The following PIGK variants were observed in gnomAD, a reference collection of about 807,000 sequenced individuals.
PIGK encodes the protein phosphatidylinositol glycan anchor biosynthesis class K, also known as GPI-anchor transamidase.
In PIGK, 42 loss-of-function variants were observed where a neutral mutation model predicts 50.6. That is an observed-to-expected ratio of 0.83 (90% CI 0.65 to 1.07). The LOEUF is 1.07. Among genes scored for constraint, PIGK ranks in the 50% least tolerant of loss-of-function variants. The pLI is 0.00. For synonymous variants in PIGK, 151 were observed against 156.0 expected (o/e 0.97, Z 0.24); for missense variants, 448 against 488.7 (o/e 0.92, Z 0.78).
chr1:77,127,335 TTCTC>T (rs1290767655), intron 9 of PIGK, among the ~76,000 whole-genome samples: 1 of 152,198 alleles, frequency 6.6e-6, no homozygotes. Context: ...ACACAGAAGG[TTCTC>T]TCTAACTCAG....
Position 77,090,336 on chromosome 1 carries a change from A to G in PIGK, c.*2038T>C, listed in dbSNP as rs1458547469. 6.6e-6 allele frequency: 1 copy of G among 152,232 alleles called. No homozygotes were observed. Among genetic ancestry groups the G allele is most frequent in the African/African-American group, 2.4e-5 (1 of 41,466 alleles). 9.4% of individuals were successfully genotyped at this position (152,232 alleles called of 1,614,324 possible). ...TTATTATGAAGGCAGAGTATGCTCTATGTAAAAAGATTATGGTTATAAGTG... is the reference window on the plus strand; with the variant it reads ...TTATTATGAAGGCAGAGTATGCTCTGTGTAAAAAGATTATGGTTATAAGTG... On this transcript the variant is annotated 3_prime_UTR_variant, in exon 11 of 11. Transcript: ENST00000370812.
In PIGK at chr1:77,166,777, A is replaced by G. The variant is rs376757308; in HGVS notation, c.429T>C (p.Thr143=). ...CAGAAAGAAGACGTTTTGACCGAGG[A>G]GTACTAGGTGGGATCCTCCCAGTTA... The part of the protein sequence containing the change: ...RVLTGRIPPS[T]PRSKRLLSDD... Residue 143 remains threonine (T), a synonymous_variant, in exon 5 of 11, where the codon ACT becomes ACC. Coordinates refer to ENST00000370812, the MANE Select transcript of PIGK (RefSeq NM_005482.3). The G allele has an allele frequency of 2.5e-6, 4 of 1,603,068 alleles. No individual in the cohort carries two copies. Among genetic ancestry groups the G allele is most frequent in the Non-Finnish European group, 3.4e-6 (4 of 1,173,958 alleles).
chr1:77,146,365 T>C (rs1654768231), intron 9 of PIGK, among the ~76,000 whole-genome samples: 1 of 151,936 alleles, frequency 6.6e-6, no homozygotes, highest in Admixed American at 6.6e-5. Context: ...TCAAAAGACA[T>C]CACTAAGAAA....
chr1:77,096,901 TTTTTGTTTTTTTG>T (rs1653421854), intron 10 of PIGK, among the ~76,000 whole-genome samples: 1 of 150,124 alleles, frequency 6.7e-6, no homozygotes. Context: ...TTTTTTTGTT[TTTTTGTTTTTTTG>T]TTTTGTTTTG....
At chr1:77,176,738 T>C (rs1655498093) in intron 3 of PIGK, among the ~76,000 whole-genome samples, 1 of 152,282 alleles carries the variant, frequency 6.6e-6, no homozygotes, top group African/African-American at 2.4e-5. Context: ...TTATCAGTGC[T>C]ATACACCTAA....
At chr1:77,116,562 CTG>C (rs763119489) in intron 10 of PIGK, among the ~76,000 whole-genome samples, 3,711 of 134,970 alleles carry the variant, frequency 0.027, 82 homozygotes, top group East Asian at 0.14. Context: ...AAATGTGTCT[CTG>C]TGTGTGTGTG....
intron 3 of PIGK, among the ~76,000 whole-genome samples, chr1:77,182,821 T>G (rs964813258): frequency 2.0e-5 from 3 of 152,168 alleles, no homozygotes; most frequent in Non-Finnish European, 2.9e-5. Flanking sequence ...ATAAATTCAT[T>G]TGACACACCT....
chr1:77,174,972 A>G (rs1481570183), intron 3 of PIGK, among the ~76,000 whole-genome samples: 1 of 152,204 alleles, frequency 6.6e-6, no homozygotes, highest in Non-Finnish European at 1.5e-5. Context: ...ATGTTTCTAT[A>G]AAAGAGCTCT....
intron 3 of PIGK, among the ~76,000 whole-genome samples, chr1:77,194,393 C>T (rs1371751947): frequency 6.6e-6 from 1 of 151,782 alleles, no homozygotes; most frequent in Non-Finnish European, 1.5e-5. Context: ...ACCTAGGTGC[C>T]CATAAATAGT....
intron 9 of PIGK, among the ~76,000 whole-genome samples, chr1:77,147,239 GA>G (rs1375760417): frequency 2.0e-5 from 3 of 152,138 alleles, no homozygotes; most frequent in East Asian, 1.9e-4. Flanking sequence ...CAGTATGGGG[GA>G]AACCACCCCC....
At chr1:77,194,362 T>C (rs1655981077) in intron 3 of PIGK, among the ~76,000 whole-genome samples, 1 of 149,130 alleles carries the variant, frequency 6.7e-6, no homozygotes, top group Non-Finnish European at 1.5e-5. Context: ...TTTGCTGTTA[T>C]ATAAGGGATA....
At chr1:77,209,913 T>G (rs1007924628) in intron 2 of PIGK, among the ~76,000 whole-genome samples, 5 of 152,040 alleles carry the variant, frequency 3.3e-5, no homozygotes, top group Admixed American at 1.3e-4. Context: ...ACCAAAATAT[T>G]AACTCTGGGA....
intron 10 of PIGK, among the ~76,000 whole-genome samples, chr1:77,101,760 C>T (rs1166161253): frequency 1.3e-5 from 2 of 152,128 alleles, no homozygotes; most frequent in Non-Finnish European, 2.9e-5. Flanking sequence ...AATCCCAGCA[C>T]TTTGGGATGC....
At position 77,178,572 on chromosome 1, in the gene PIGK, G is replaced by A. The variant is rs150140469; in HGVS notation, c.240-9177C>T. On this transcript the variant is annotated intron_variant, in intron 3 of 10. Transcript: ENST00000370812. ...AGAGATTCAGTTTTAGGGCATTAAC[G>A]GAGAGACTGCTTAGTTAAGTGAGTA... Among the ~76,000 whole-genome samples, 552 of 147,682 alleles carry A rather than the reference G, an allele frequency of 3.7e-3. 2 individuals carry two copies. Among genetic ancestry groups the A allele is most frequent in the African/African-American group, 0.013 (501 of 40,032 alleles).
chr1:77,195,044 T>C (rs1343760701), intron 3 of PIGK: 16 of 856,280 alleles, frequency 1.9e-5, no homozygotes, highest in Middle Eastern at 4.8e-4. Context: ...CTGAATCTGC[T>C]CAGAGACCTG....
At chr1:77,148,939 T>C (rs1337154433) in intron 9 of PIGK, among the ~76,000 whole-genome samples, 1 of 152,042 alleles carries the variant, frequency 6.6e-6, no homozygotes. Flanking sequence ...ATGGTGTTGA[T>C]CTCCTGACCT....
At chr1:77,119,215 T>C (rs1206808682) in intron 10 of PIGK, among the ~76,000 whole-genome samples, 1 of 152,230 alleles carries the variant, frequency 6.6e-6, no homozygotes, top group Non-Finnish European at 1.5e-5. Flanking sequence ...AACTTGTTTC[T>C]ACTCTAATTA....
intron 8 of PIGK, among the ~76,000 whole-genome samples, chr1:77,158,892 A>T (rs1402571085): frequency 6.6e-6 from 1 of 152,202 alleles, no homozygotes; most frequent in Non-Finnish European, 1.5e-5. Flanking sequence ...TGACAATGCA[A>T]TAAAAAATAA....
At chr1:77,190,130 G>A (rs1472076292) in intron 3 of PIGK, among the ~76,000 whole-genome samples, 1 of 152,008 alleles carries the variant, frequency 6.6e-6, no homozygotes, top group African/African-American at 2.4e-5. Context: ...GCTCATGCCT[G>A]TAATCTTGAC....
Sources: gnomAD v4.1 joint callset for allele counts (sites outside exome capture counted in the v4.1 genomes callset) on GRCh38, gnomAD v4.1.1 for gene constraint, MANE v1.5 for transcripts, NCBI Gene and HGNC (gene_info 2026-07-23, HGNC 2026-07-21) for gene names.